Variants in ZNF37A observed in about 807,000 individuals in gnomAD.
ZNF37A encodes zinc finger protein 37A.
Under a neutral mutation model 12.3 loss-of-function variants are expected in ZNF37A, and 10 were observed. That is an observed-to-expected ratio of 0.82 (90% CI 0.50 to 1.38). ZNF37A has a LOEUF of 1.38. ZNF37A is among the 40% of genes most tolerant of loss of function. ZNF37A has a pLI of 0.00. For missense variants in ZNF37A, 580 were observed against 651.2 expected, an observed-to-expected ratio of 0.89 and a Z score of 1.19; for synonymous variants, 207 against 223.0, an observed-to-expected ratio of 0.93 and a Z score of 0.64.
chr10:38,100,883 T>G (rs770074849), intron 5 of ZNF37A, among the ~76,000 whole-genome samples: 2 of 152,158 alleles, frequency 1.3e-5, no homozygotes, highest in Non-Finnish European at 2.9e-5. Flanking sequence ...CATAAGAAAT[T>G]ATAAAAGTAT....
At chr10:38,096,066 G>T (rs2067129804) in intron 4 of ZNF37A, among the ~76,000 whole-genome samples, 1 of 152,024 alleles carries the variant, frequency 6.6e-6, no homozygotes, top group African/African-American at 2.4e-5. Flanking sequence ...CGCACCTGTA[G>T]TCCCAGCGAC....
intron 7 of ZNF37A, among the ~76,000 whole-genome samples, chr10:38,133,556 A>C (rs2070063768): frequency 6.8e-6 from 1 of 148,022 alleles, no homozygotes; most frequent in Non-Finnish European, 1.5e-5. Flanking sequence ...ATAAGTGAGA[A>C]CATGCAGTGT....
At chr10:38,108,059 C>G (rs572992734) in intron 5 of ZNF37A, among the ~76,000 whole-genome samples, 1 of 152,160 alleles carries the variant, frequency 6.6e-6, no homozygotes, top group Non-Finnish European at 1.5e-5. Flanking sequence ...AGATTCTTCT[C>G]AGCACCACAT....
chr10:38,107,823 C>A (rs920616092), intron 5 of ZNF37A, among the ~76,000 whole-genome samples: 1 of 152,112 alleles, frequency 6.6e-6, no homozygotes, highest in African/African-American at 2.4e-5. Context: ...TATATATGCA[C>A]CCAATACAGG....
chr10:38,135,549 C>A (rs1211028530), intron 7 of ZNF37A, among the ~76,000 whole-genome samples: 7 of 152,042 alleles, frequency 4.6e-5, no homozygotes, highest in Admixed American at 2.0e-4. Flanking sequence ...AGATTACAAA[C>A]CAAAATCAGA....
chr10:38,096,740 G>C (rs1447657290), intron 5 of ZNF37A, 108 bp downstream of exon 5: 3 of 1,111,836 alleles, frequency 2.7e-6, no homozygotes, highest in Non-Finnish European at 4.0e-6. Flanking sequence ...AAATATAGAG[G>C]AGAGGTCACA....
chr10:38,125,968 A>G (rs1273887012), downstream of ZNF37A, among the ~76,000 whole-genome samples: 1 of 152,126 alleles, frequency 6.6e-6, no homozygotes, highest in Non-Finnish European at 1.5e-5. Flanking sequence ...AGTGCCACAT[A>G]CTTTTAGATG....
chr10:38,127,894 T>G (rs1390760764), downstream of ZNF37A, among the ~76,000 whole-genome samples: 1 of 152,186 alleles, frequency 6.6e-6, no homozygotes. Context: ...AGAACAAGAA[T>G]AAGAAAGTTA....
chr10:38,113,877 G>T (rs554372838), intron 5 of ZNF37A, among the ~76,000 whole-genome samples: 14 of 152,326 alleles, frequency 9.2e-5, no homozygotes, highest in Middle Eastern at 3.4e-3. Flanking sequence ...GGAGCAGGGA[G>T]CCTATGGCCT....
At chr10:38,138,035 G>A (rs753728944) in intron 7 of ZNF37A, 4 of 152,172 alleles carry the variant, frequency 2.6e-5, no homozygotes, top group Non-Finnish European at 4.4e-5. Flanking sequence ...TTGGCATCCT[G>A]AAATAAATAA....
intron 7 of ZNF37A, among the ~76,000 whole-genome samples, chr10:38,116,529 T>C (rs944463282): frequency 3.3e-5 from 5 of 152,278 alleles, no homozygotes; most frequent in African/African-American, 1.2e-4. Flanking sequence ...ACAGCTGAAC[T>C]TACCTAGAGC....
intron 5 of ZNF37A, among the ~76,000 whole-genome samples, chr10:38,112,813 C>G (rs1345471658): frequency 1.2e-4 from 16 of 128,228 alleles, no homozygotes; most frequent in East Asian, 4.4e-4. Context: ...GTCTTGTCTT[C>G]TTTTCTTTTC....
At chr10:38,111,038 T>C (rs2068602538) in intron 5 of ZNF37A, among the ~76,000 whole-genome samples, 1 of 152,100 alleles carries the variant, frequency 6.6e-6, no homozygotes, top group Admixed American at 6.5e-5. Flanking sequence ...CATACATACG[T>C]TTTTTTGTGG....
chr10:38,116,619 T>G (rs1226896262), intron 7 of ZNF37A, among the ~76,000 whole-genome samples: 2 of 152,254 alleles, frequency 1.3e-5, no homozygotes, highest in East Asian at 3.9e-4. Flanking sequence ...TTTACTTCAG[T>G]GATACCTTGT....
At position 38,121,213 on chromosome 10, in the gene ZNF37A, AAAC is replaced by A. The variant is rs1443004824; in HGVS notation, c.*2382_*2384del. The A allele has an allele frequency of 6.6e-6, 1 of 152,170 alleles. No homozygotes were observed. The highest frequency in any genetic ancestry group is 1.5e-5 in the Non-Finnish European group (1 of 68,034). 9.4% of individuals were successfully genotyped at this position (152,170 alleles called of 1,614,324 possible). On this transcript the variant is annotated 3_prime_UTR_variant, in exon 8 of 8. Transcript: ENST00000685332. ...ACCTTGATAACAAAACCTAAAAAAA[AAAC>A]AACAAAAAAACCCATAAAGCTATAG...
downstream of ZNF37A, among the ~76,000 whole-genome samples, chr10:38,130,128 GAT>G (rs1295623513): frequency 2.0e-5 from 3 of 152,258 alleles, no homozygotes; most frequent in South Asian, 2.1e-4. Flanking sequence ...AGAATCATGA[GAT>G]ATGTGTCGCT....
chr10:38,106,304 A>G (rs1256759956), intron 5 of ZNF37A, among the ~76,000 whole-genome samples: 1 of 152,188 alleles, frequency 6.6e-6, no homozygotes, highest in Non-Finnish European at 1.5e-5. Flanking sequence ...CATCAACATC[A>G]ACAAAAAGGA....
At chr10:38,115,065 A>ATG in intron 6 of ZNF37A, 130 bp from the exon 7 acceptor site, 1 of 811,670 alleles carries the variant, frequency 1.2e-6, no homozygotes, top group Non-Finnish European at 1.8e-6. Context: ...GGATTAAATG[A>ATG]AGTGTGTGTG....
intron 5 of ZNF37A, among the ~76,000 whole-genome samples, chr10:38,105,674 A>G (rs1402304920): frequency 6.6e-6 from 1 of 152,186 alleles, no homozygotes. Flanking sequence ...TACTATTGCA[A>G]TGGTATTAGA....
Sources: gnomAD v4.1 joint callset for allele counts (sites outside exome capture counted in the v4.1 genomes callset) on GRCh38, gnomAD v4.1.1 for gene constraint, MANE v1.5 for transcripts, NCBI Gene and HGNC (gene_info 2026-07-23, HGNC 2026-07-21) for gene names.